The following KCNRG variants were observed in gnomAD, a reference collection of about 807,000 sequenced individuals.
KCNRG encodes potassium channel regulatory protein.
KCNRG carries 17 observed loss-of-function variants against 17.7 expected under a neutral mutation model. The observed-to-expected ratio is 0.96, with a 90% confidence interval of 0.66 to 1.44. KCNRG has a LOEUF of 1.44. Among genes scored for constraint, KCNRG ranks in the 40% most tolerant of loss-of-function variants. The pLI is 0.00. For missense variants in KCNRG, 311 were observed against 321.1 expected (o/e 0.97, Z 0.24); for synonymous variants, 97 against 116.5 (o/e 0.83, Z 1.08).
chr13:50,016,166 A>T, intron 1 of KCNRG, 95 bp downstream of exon 1: 1 of 843,722 alleles, frequency 1.2e-6, no homozygotes. Context: ...TCTGGAAAAG[A>T]TGATTATTCA....
chr13:50,019,123 C>G (rs1264945175), intron 1 of KCNRG, among the ~76,000 whole-genome samples: 2 of 148,440 alleles, frequency 1.3e-5, no homozygotes, highest in African/African-American at 5.0e-5. Context: ...CTGAAAAGTT[C>G]ATGTGCATTT....
At chr13:50,017,230 GTGAT>G (rs1876715149) in intron 1 of KCNRG, 1 of 166,972 alleles carries the variant, frequency 6.0e-6, no homozygotes, top group South Asian at 2.1e-4. Context: ...TAAAATATGA[GTGAT>G]TATGACCTCT....
Position 50,017,955 on chromosome 13 carries a change from G to T in KCNRG, c.578+1884G>T, listed in dbSNP as rs1349920621. The T allele has an allele frequency of 3.6e-5, 6 of 166,932 alleles. No homozygotes were observed. The East Asian group carries it at 1.2e-3, about 32-fold the overall frequency. 10.3% of individuals were successfully genotyped at this position (166,932 alleles called of 1,614,324 possible). On this transcript the variant is annotated intron_variant, in intron 1 of 1. Transcript: ENST00000312942. ...TTACCCCTCAAGGTTAACCTAGCAG[G>T]TTGCTCAGTTATTATCTCTCAAGGT...
Position 50,015,679 on chromosome 13 carries a change from A to G in KCNRG, c.186A>G (p.Leu62=), listed in dbSNP as rs1876449792. 6.2e-7 allele frequency: 1 copy of G among 1,614,122 alleles called. No homozygotes were observed. Among genetic ancestry groups the G allele is most frequent in the South Asian group, 1.1e-5 (1 of 91,076 alleles). The part of the protein sequence containing the change: ...DRDGDLFSFI[L]DFLRTHQLLL... ...ATGGTGATTTGTTTAGTTTCATCTT[A>G]GATTTTTTGAGAACTCACCAGCTTT... Residue 62 remains leucine, a synonymous_variant, in exon 1 of 2, where the codon TTA becomes TTG. Transcript: ENST00000312942.
chr13:50,019,332 G>C (rs563896470), intron 1 of KCNRG, among the ~76,000 whole-genome samples: 1 of 152,178 alleles, frequency 6.6e-6, no homozygotes, highest in South Asian at 2.1e-4. Context: ...CTCTCCAGAG[G>C]CTTTTGACCC....
rs763785004 is a variant in KCNRG at position 50,020,326 on chromosome 13, G to A, written c.691G>A (p.Val231Ile). Residue 231 changes from valine (V) to isoleucine (I), a missense_variant, in exon 2 of 2, where the codon GTA (valine) becomes ATA (isoleucine). Val to Ile is a conservative substitution (Grantham distance 29). Transcript: ENST00000312942. Reference sequence around the variant, plus strand: ...CTTTCATTTGGTCAGCACTAGAACAGTATCTTCTGAAGACAAAACTGAATG... The same window carrying A: ...CTTTCATTTGGTCAGCACTAGAACAATATCTTCTGAAGACAAAACTGAATG... ...EGFHLVSTRTVSSEDKTECYS... is the reference protein window; with the variant it reads ...EGFHLVSTRTISSEDKTECYS... 6.2e-7 allele frequency: 1 copy of A among 1,614,092 alleles called. No homozygotes were observed. Among genetic ancestry groups the A allele is most frequent in the South Asian group, 1.1e-5 (1 of 91,082 alleles).
Position 50,020,312 on chromosome 13 carries a change from T to C in KCNRG, c.677T>C (p.Val226Ala), listed in dbSNP as rs759976502. The change falls in exon 2 of 2, where the codon GTC becomes GCC. Residue 226 changes from valine to alanine, a missense_variant. Physicochemically the swap from Val to Ala is moderately conservative, Grantham distance 64. Transcript: ENST00000312942. ...TTATTAAAGGAAGGCTTTCATTTGG[T>C]CAGCACTAGAACAGTATCTTCTGAA... The part of the protein sequence containing the change: ...DTLLKEGFHL[V>A]STRTVSSEDK... 9.9e-6 allele frequency: 16 copies of C among 1,614,000 alleles called. No homozygotes were observed. The highest frequency in any genetic ancestry group is 1.4e-5 in the Non-Finnish European group (16 of 1,179,980).
Position 50,015,680 on chromosome 13 carries a change from G to C in KCNRG, c.187G>C (p.Asp63His), listed in dbSNP as rs367947576. 8.7e-6 allele frequency: 14 copies of C among 1,614,004 alleles called. No homozygotes were observed. The highest frequency in any genetic ancestry group is 1.6e-4 in the Middle Eastern group (1 of 6,084). ...TGGTGATTTGTTTAGTTTCATCTTA[G>C]ATTTTTTGAGAACTCACCAGCTTTT... ...RDGDLFSFIL[D>H]FLRTHQLLLP... The change falls in exon 1 of 2, where the codon GAT becomes CAT. Residue 63 changes from aspartate to histidine, a missense_variant. Physicochemically the swap from Asp to His is moderately conservative, Grantham distance 81. Coordinates refer to ENST00000312942, the MANE Select transcript of KCNRG (RefSeq NM_173605.2).
In KCNRG at chr13:50,015,717, A is replaced by C; in HGVS notation, c.224A>C (p.Glu75Ala). The C allele has an allele frequency of 6.2e-7, 1 of 1,614,050 alleles. No individual in the cohort carries two copies. The highest frequency in any genetic ancestry group is 8.5e-7 in the Non-Finnish European group (1 of 1,179,936). ...ACTCACCAGCTTTTATTACCCACTG[A>C]ATTTTCAGACTATCTTAGGCTTCAG... ...LRTHQLLLPT[E>A]FSDYLRLQRE... is the part of the protein sequence containing the mutation. The change falls in exon 1 of 2, where the codon GAA (glutamate) becomes GCA (alanine). Residue 75 changes from glutamate (E) to alanine (A), a missense_variant. Glu to Ala is a moderately radical substitution (Grantham distance 107, BLOSUM62 -1). Coordinates refer to ENST00000312942, the MANE Select transcript of KCNRG (RefSeq NM_173605.2).
Position 50,015,469 on chromosome 13 carries a change from G to A in KCNRG, c.-25G>A, listed in dbSNP as rs1473111620. ...GATTTCCTAAGTGTGGCTGATGGTAGCCTCTAGTTTGAAGTGAGGGAAGAA... is the reference window on the plus strand; with the variant it reads ...GATTTCCTAAGTGTGGCTGATGGTAACCTCTAGTTTGAAGTGAGGGAAGAA... On this transcript the variant is annotated 5_prime_UTR_variant, in exon 1 of 2. Coordinates refer to ENST00000312942, the MANE Select transcript of KCNRG (RefSeq NM_173605.2). The A allele has an allele frequency of 3.3e-6, 5 of 1,521,668 alleles. No homozygotes were observed. The African/African-American group carries it at 4.1e-5, about 13-fold the overall frequency. 94.3% of individuals were successfully genotyped at this position (1,521,668 alleles called of 1,614,324 possible).
At chr13:50,016,312 A>C in intron 1 of KCNRG, 1 of 425,500 alleles carries the variant, frequency 2.4e-6, no homozygotes, top group Non-Finnish European at 4.3e-6. Flanking sequence ...GCCCAGAAAA[A>C]ACTGAGACTA....
chr13:50,019,169 G>C (rs996739665), intron 1 of KCNRG, among the ~76,000 whole-genome samples: 1 of 150,822 alleles, frequency 6.6e-6, no homozygotes, highest in Non-Finnish European at 1.5e-5. Context: ...TTTTGAGACG[G>C]AGTCTCGCTC....
chr13:50,015,578 T>C lies in KCNRG; in HGVS notation c.85T>C (p.Ser29Pro). The C allele has an allele frequency of 6.2e-7, 1 of 1,614,090 alleles. No individual in the cohort carries two copies. The highest frequency in any genetic ancestry group is 8.5e-7 in the Non-Finnish European group (1 of 1,179,978). The change falls in exon 1 of 2, where the codon TCT becomes CCT. Residue 29 changes from serine to proline, a missense_variant. Ser to Pro is a moderately conservative substitution (Grantham distance 74, BLOSUM62 -1). Transcript: ENST00000312942. ...TTCTACGATAAAGCAGTTTCCTGCT[T>C]CTCGTTTGGCACGCATGTTAGATGG... is the stretch of plus-strand genomic sequence containing the variant. ...RFSTIKQFPA[S>P]RLARMLDGRD...
chr13:50,018,273 A>G (rs1305390219), intron 1 of KCNRG: 1 of 166,940 alleles, frequency 6.0e-6, no homozygotes, highest in African/African-American at 2.4e-5. Context: ...AGTACGTTCC[A>G]CTTTGTTACA....
chr13:50,019,982 G>A (rs1035456267), intron 1 of KCNRG, among the ~76,000 whole-genome samples: 1 of 150,908 alleles, frequency 6.6e-6, no homozygotes, highest in African/African-American at 2.4e-5. Flanking sequence ...AGGTTGCTGA[G>A]AGCCAAGATC....
Position 50,020,595 on chromosome 13 carries a change from C to A in KCNRG, c.*141C>A. 1 of 805,476 alleles carries A rather than the reference C, an allele frequency of 1.2e-6. No homozygotes were observed. The allele number at this position is 805,476 out of a possible 1,614,324, so 49.9% of individuals were successfully genotyped here. ...ATGCCGTCTCTGGGCAACCAGGCCC[C>A]AACTGTGCTTAAGCCATAATGCCTG... On this transcript the variant is annotated 3_prime_UTR_variant, in exon 2 of 2. Coordinates refer to ENST00000312942, the MANE Select transcript of KCNRG (RefSeq NM_173605.2).
chr13:50,019,221 TG>T (rs2138464834), intron 1 of KCNRG, among the ~76,000 whole-genome samples: 1 of 152,154 alleles, frequency 6.6e-6, no homozygotes, highest in South Asian at 2.1e-4. Flanking sequence ...CTTGGCTCAC[TG>T]CAAGCTCCGC....
Position 50,020,856 on chromosome 13 carries a change from T to G in KCNRG, c.*402T>G. ...TATGCATGCAACAAAATGCCACGTG[T>G]ACCCCATAAATATGTAGAAATATTA... On this transcript the variant is annotated 3_prime_UTR_variant, in exon 2 of 2. Coordinates refer to ENST00000312942, the MANE Select transcript of KCNRG (RefSeq NM_173605.2). The G allele has an allele frequency of 6.1e-6, 1 of 162,874 alleles. No homozygotes were observed. 10.1% of individuals were successfully genotyped at this position (162,874 alleles called of 1,614,324 possible).
chr13:50,016,065 G>A lies in KCNRG; in HGVS notation c.572G>A (p.Gly191Glu), dbSNP rs750458733. 24 of 1,612,336 alleles carry A rather than the reference G, an allele frequency of 1.5e-5. No individual in the cohort carries two copies. The highest frequency in any genetic ancestry group is 2.0e-5 in the Non-Finnish European group (24 of 1,178,532). ...GSDSTTDNQT[G>E]VRYVSIKPDN... ...GACAGCACTACTGATAACCAAACTG[G>A]AGTCAGGTATTTTGTACTTTGCAGT... The change falls in exon 1 of 2, where the codon GGA (glycine) becomes GAA (glutamate). Residue 191 changes from glycine to glutamate, a missense_variant. Coordinates refer to ENST00000312942, the MANE Select transcript of KCNRG (RefSeq NM_173605.2).
Sources: allele counts gnomAD v4.1 joint callset (sites outside exome capture counted in the v4.1 genomes callset), GRCh38; gene constraint gnomAD v4.1.1; transcripts MANE v1.5; gene names NCBI Gene and HGNC (gene_info 2026-07-23, HGNC 2026-07-21).